Variants in MCTP1 observed in about 807,000 individuals in gnomAD.
MCTP1 encodes multiple C2 and transmembrane domain-containing protein 1.
In MCTP1, 69 loss-of-function variants were observed where a neutral mutation model predicts 120.6. The ratio of observed to expected loss-of-function variants is 0.57; its 90% CI spans 0.47 to 0.70. The LOEUF (loss-of-function observed/expected upper bound fraction) is 0.70. Ranked by LOEUF, MCTP1 falls within the 30% of genes least tolerant of loss-of-function variation. The pLI, the probability that MCTP1 is intolerant of heterozygous loss-of-function variation, is 0.00. For missense variants in MCTP1, 1,203 were observed against 1,248.8 expected, an observed-to-expected ratio of 0.96 and a Z score of 0.55; for synonymous variants, 529 against 493.1, an observed-to-expected ratio of 1.07 and a Z score of -0.96.
At chr5:95,208,429 A>G (rs1751927192) in intron 1 of MCTP1, among the ~76,000 whole-genome samples, 1 of 152,162 alleles carries the variant, frequency 6.6e-6, no homozygotes, top group Admixed American at 6.5e-5. Context: ...CACTTCATCA[A>G]AAGTCAATAC....
At chr5:94,958,724 A>C (rs1941532485) in intron 2 of MCTP1, among the ~76,000 whole-genome samples, 1 of 152,226 alleles carries the variant, frequency 6.6e-6, no homozygotes, top group South Asian at 2.1e-4. Flanking sequence ...AACCAGGAGG[A>C]AGTTGAATCC....
intron 1 of MCTP1, among the ~76,000 whole-genome samples, chr5:95,276,025 C>G (rs995824655): frequency 1.3e-5 from 2 of 152,052 alleles, no homozygotes; most frequent in African/African-American, 2.4e-5. Flanking sequence ...CTAGTCTAGT[C>G]CTCCATGGGA....
chr5:95,206,999 G>A (rs1751700405), intron 1 of MCTP1, among the ~76,000 whole-genome samples: 1 of 152,208 alleles, frequency 6.6e-6, no homozygotes, highest in Non-Finnish European at 1.5e-5. Flanking sequence ...ACATACATAT[G>A]TCTTTTTATA....
rs184213826 is a variant in MCTP1 at position 94,756,612 on chromosome 5, C to T, written c.2610+22498G>A. On this transcript the variant is annotated intron_variant, in intron 19 of 22. Transcript: ENST00000515393. Reference sequence around the variant, plus strand: ...ATTCTAGCAATAGTAGATGCAATTCCGGTTAATTACGGGAGGTATAAATAT... The same window carrying T: ...ATTCTAGCAATAGTAGATGCAATTCTGGTTAATTACGGGAGGTATAAATAT... Among the ~76,000 whole-genome samples the T allele has an allele frequency of 5.9e-5, 9 of 152,196 alleles. No homozygotes were observed. The East Asian group carries it at 7.7e-4, about 13-fold the overall frequency.
At chr5:95,187,154 T>G (rs1417417857) in intron 1 of MCTP1, among the ~76,000 whole-genome samples, 1 of 152,216 alleles carries the variant, frequency 6.6e-6, no homozygotes, top group Non-Finnish European at 1.5e-5. Context: ...TGCACTCCCA[T>G]GTTTATTGCT....
At chr5:94,951,504 A>G (rs1820569823) in intron 3 of MCTP1, among the ~76,000 whole-genome samples, 1 of 152,204 alleles carries the variant, frequency 6.6e-6, no homozygotes, top group African/African-American at 2.4e-5. Context: ...CTTCAGCAAC[A>G]TTAATGAGAT....
chr5:95,072,081 CTGTGTGTGTGTG>C (rs56135843), intron 1 of MCTP1, among the ~76,000 whole-genome samples: 2 of 143,784 alleles, frequency 1.4e-5, no homozygotes, highest in African/African-American at 2.6e-5. Context: ...GCCAATTTTC[CTGTGTGTGTGTG>C]TGTGTGTGTG....
At chr5:95,115,133 C>A (rs567647109) in intron 1 of MCTP1, among the ~76,000 whole-genome samples, 1 of 152,152 alleles carries the variant, frequency 6.6e-6, no homozygotes, top group South Asian at 2.1e-4. Flanking sequence ...TTTCAAATAA[C>A]TGAAAAGTCC....
intron 1 of MCTP1, among the ~76,000 whole-genome samples, chr5:95,212,222 G>A (rs1235894491): frequency 6.6e-6 from 1 of 152,138 alleles, no homozygotes; most frequent in African/African-American, 2.4e-5. Context: ...ACTACCATCA[G>A]CGAATACTAC....
chr5:94,762,139 G>A (rs983692783), intron 19 of MCTP1, among the ~76,000 whole-genome samples: 2 of 152,228 alleles, frequency 1.3e-5, no homozygotes, highest in Non-Finnish European at 2.9e-5. Context: ...TAAGTTTTGA[G>A]GAGTTTGTTA....
intron 20 of MCTP1, among the ~76,000 whole-genome samples, chr5:94,712,709 C>T (rs1757517856): frequency 6.6e-6 from 1 of 151,970 alleles, no homozygotes; most frequent in Non-Finnish European, 1.5e-5. Flanking sequence ...TGCAACTCAC[C>T]AGGTAAAGGA....
At chr5:95,245,759 G>C (rs1238065053) in intron 1 of MCTP1, among the ~76,000 whole-genome samples, 2 of 152,152 alleles carry the variant, frequency 1.3e-5, no homozygotes, top group Non-Finnish European at 2.9e-5. Flanking sequence ...ACGCTCTTCA[G>C]GATACTATCC....
intron 17 of MCTP1, among the ~76,000 whole-genome samples, chr5:94,831,369 T>G (rs1788483931): frequency 6.6e-6 from 1 of 152,242 alleles, no homozygotes; most frequent in South Asian, 2.1e-4. Flanking sequence ...AACAGGAACC[T>G]TCAAACCACT....
intron 6 of MCTP1, among the ~76,000 whole-genome samples, chr5:94,928,452 A>C (rs559139150): frequency 2.0e-5 from 3 of 152,318 alleles, no homozygotes; most frequent in African/African-American, 7.2e-5. Context: ...ATATTGCAAT[A>C]ATCCAAAGCA....
chr5:94,870,535 A>T, intron 15 of MCTP1, 44 bp from the exon 16 acceptor site: 1 of 1,345,062 alleles, frequency 7.4e-7, no homozygotes, highest in Non-Finnish European at 1.1e-6. Context: ...ATATATTACA[A>T]ATGTTTACAA....
intron 17 of MCTP1, among the ~76,000 whole-genome samples, chr5:94,811,148 A>C (rs1221009896): frequency 6.6e-6 from 1 of 152,068 alleles, no homozygotes; most frequent in Non-Finnish European, 1.5e-5. Context: ...AATTCAAATA[A>C]TCATCTTAGG....
intron 2 of MCTP1, among the ~76,000 whole-genome samples, chr5:94,998,145 A>T (rs1208786816): frequency 1.3e-5 from 2 of 152,174 alleles, no homozygotes; most frequent in African/African-American, 2.4e-5. Context: ...TTGTTTTGGT[A>T]TTTTATGTTG....
chr5:95,038,093 C>T (rs576193051), intron 1 of MCTP1: 42 of 983,358 alleles, frequency 4.3e-5, no homozygotes, highest in South Asian at 9.4e-5. Context: ...TTCAAACATT[C>T]GAACAATCTC....
chr5:94,910,255 TGG>T (rs1467037461), intron 9 of MCTP1, among the ~76,000 whole-genome samples: 1 of 151,976 alleles, frequency 6.6e-6, no homozygotes, highest in Non-Finnish European at 1.5e-5. Context: ...TACACATATG[TGG>T]ATATACTCTT....
Sources: gnomAD v4.1 joint callset for allele counts (sites outside exome capture counted in the v4.1 genomes callset) on GRCh38, gnomAD v4.1.1 for gene constraint, MANE v1.5 for transcripts, NCBI Gene and HGNC (gene_info 2026-07-23, HGNC 2026-07-21) for gene names.